HS6ST3: variants seen among roughly 807,000 people sequenced by gnomAD.
HS6ST3 encodes the protein heparan sulfate 6-O-sulfotransferase 3.
HS6ST3 carries 12 observed loss-of-function variants against 36.7 expected under a neutral mutation model. The ratio of observed to expected loss-of-function variants is 0.33; its 90% confidence interval spans 0.21 to 0.53. The LOEUF (loss-of-function observed/expected upper bound fraction) is 0.53, where lower values mean the gene tolerates loss of function less well. Among genes scored for constraint, HS6ST3 ranks in the 20% least tolerant of loss-of-function variants. The probability of loss-of-function intolerance (pLI) is 0.95; values close to 1 mark genes in which losing one functional copy is unlikely to be tolerated. For synonymous variants in HS6ST3, 240 were observed against 257.5 expected (o/e 0.93, Z 0.65); for missense variants, 584 against 640.9 (o/e 0.91, Z 0.96).
intron 1 of HS6ST3, among the ~76,000 whole-genome samples, chr13:96,387,382 A>T (rs917444511): frequency 6.6e-6 from 1 of 152,230 alleles, no homozygotes; most frequent in African/African-American, 2.4e-5. Context: ...AAAATTAATC[A>T]TTTAAACCCT....
intron 1 of HS6ST3, among the ~76,000 whole-genome samples, chr13:96,342,111 A>C (rs964249449): frequency 1.3e-5 from 2 of 152,112 alleles, no homozygotes; most frequent in African/African-American, 4.8e-5. Flanking sequence ...TATTTTCATC[A>C]CAACAATAAA....
intron 1 of HS6ST3, among the ~76,000 whole-genome samples, chr13:96,331,856 G>A (rs923941701): frequency 2.6e-5 from 4 of 152,184 alleles, no homozygotes; most frequent in African/African-American, 7.2e-5. Flanking sequence ...AGGACCCTCC[G>A]AGCCAGGTGC....
chr13:96,719,688 C>T lies in HS6ST3; in HGVS notation c.708-112802C>T, dbSNP rs191196335. 1.9e-4 allele frequency among the ~76,000 whole-genome samples: 29 copies of T among 152,292 alleles called. 1 individual carries two copies. Among genetic ancestry groups the T allele is most frequent in the Admixed American group, 4.6e-4 (7 of 15,298 alleles). ...TTTCGGTGAATCAGATGTCTTTCCA[C>T]AGGTTTATGATGCTGTTGCTCACAG... On this transcript the variant is annotated intron_variant, in intron 1 of 1. Transcript: ENST00000376705.
At chr13:96,156,166 G>A (rs1413448359) in intron 1 of HS6ST3, among the ~76,000 whole-genome samples, 1 of 152,160 alleles carries the variant, frequency 6.6e-6, no homozygotes. Context: ...AGCCCGTTGA[G>A]GAAGATAGGG....
intron 1 of HS6ST3, among the ~76,000 whole-genome samples, chr13:96,342,184 A>G (rs1254216503): frequency 6.6e-6 from 1 of 152,196 alleles, no homozygotes; most frequent in Non-Finnish European, 1.5e-5. Context: ...AAATTTTGTC[A>G]TTCACAGTTT....
In HS6ST3 at chr13:96,715,006, C is replaced by A. The variant is rs1227154676; in HGVS notation, c.708-117484C>A. ...TACAGGTGTAAGTGACCACACCTGG[C>A]CCTAGGATATTTATGATTATTTATA... On this transcript the variant is annotated intron_variant, in intron 1 of 1. Coordinates refer to ENST00000376705, the MANE Select transcript of HS6ST3 (RefSeq NM_153456.4). 3.3e-5 allele frequency among the ~76,000 whole-genome samples: 5 copies of A among 152,040 alleles called. No individual in the cohort carries two copies. The East Asian group carries it at 9.6e-4, about 29-fold the overall frequency.
intron 1 of HS6ST3, among the ~76,000 whole-genome samples, chr13:96,416,652 T>C (rs1483610631): frequency 8.1e-6 from 1 of 123,778 alleles, no homozygotes; most frequent in African/African-American, 3.1e-5. Flanking sequence ...AACTGTAAAC[T>C]GTAAGTGTAT....
At chr13:96,261,308 A>G (rs1442690866) in intron 1 of HS6ST3, among the ~76,000 whole-genome samples, 1 of 150,078 alleles carries the variant, frequency 6.7e-6, no homozygotes, top group African/African-American at 2.4e-5. Flanking sequence ...ATATATGTGA[A>G]TGATTTTATA....
intron 1 of HS6ST3, among the ~76,000 whole-genome samples, chr13:96,112,613 A>ATATATATATATATG (rs2053875675): frequency 1.8e-5 from 2 of 110,734 alleles, no homozygotes; most frequent in African/African-American, 6.6e-5. Flanking sequence ...ATATATATAT[A>ATATATATATATATG]TATATATATG....
intron 1 of HS6ST3, among the ~76,000 whole-genome samples, chr13:96,231,430 T>C (rs1338220818): frequency 6.6e-6 from 1 of 152,064 alleles, no homozygotes; most frequent in African/African-American, 2.4e-5. Flanking sequence ...TGAAGAATGG[T>C]TGGGGAGGCC....
intron 1 of HS6ST3, among the ~76,000 whole-genome samples, chr13:96,095,903 T>TG (rs2053788466): frequency 2.7e-5 from 4 of 149,350 alleles, no homozygotes; most frequent in African/African-American, 9.8e-5. Flanking sequence ...TGTGTGTGTG[T>TG]TATCAGGAAG....
intron 1 of HS6ST3, among the ~76,000 whole-genome samples, chr13:96,666,434 A>T (rs925284601): frequency 6.6e-6 from 1 of 152,164 alleles, no homozygotes; most frequent in Non-Finnish European, 1.5e-5. Flanking sequence ...TCTGTCATCA[A>T]TTCATTAAAA....
intron 1 of HS6ST3, among the ~76,000 whole-genome samples, chr13:96,664,732 C>T (rs1342982210): frequency 1.3e-5 from 2 of 152,188 alleles, no homozygotes; most frequent in African/African-American, 2.4e-5. Context: ...AACTGTTTCT[C>T]TTCCTTTTCT....
At chr13:96,805,194 C>T (rs973449483) in intron 1 of HS6ST3, among the ~76,000 whole-genome samples, 1 of 152,100 alleles carries the variant, frequency 6.6e-6, no homozygotes, top group Admixed American at 6.6e-5. Flanking sequence ...GAATTGCAAT[C>T]CCCATGTGTC....
rs151036403 is a variant in HS6ST3, at chr13:96,229,781, A to AC, written c.707+138220dup. Among the ~76,000 whole-genome samples the AC allele has an allele frequency of 2.8e-4, 43 of 150,944 alleles. 1 individual carries two copies. Among genetic ancestry groups the AC allele is most frequent in the East Asian group, 7.8e-4 (4 of 5,132 alleles). ...AAGGGGTTCACTATCTCAGGGGGAG[A>AC]CCCCCCCCTTTAGGCTCTTAGTATT... On this transcript the variant is annotated intron_variant, in intron 1 of 1. Coordinates refer to ENST00000376705, the MANE Select transcript of HS6ST3 (RefSeq NM_153456.4).
rs551165942 is a variant in HS6ST3, at chr13:96,413,864, C to T, written c.707+322295C>T. On this transcript the variant is annotated intron_variant, in intron 1 of 1. Coordinates refer to ENST00000376705, the MANE Select transcript of HS6ST3 (RefSeq NM_153456.4). The stretch of plus-strand genomic sequence containing the variant: ...CTATTTAGCATTTGACCTCAAAATC[C>T]GTGGTGGAATTCCTTTCTTCCTATA... Among the ~76,000 whole-genome samples, 10 of 152,240 alleles carry T rather than the reference C, an allele frequency of 6.6e-5. No individual in the cohort carries two copies. The South Asian group carries it at 1.7e-3, about 25-fold the overall frequency.
chr13:96,578,103 C>T (rs781383388), intron 1 of HS6ST3, among the ~76,000 whole-genome samples: 2 of 152,180 alleles, frequency 1.3e-5, no homozygotes, highest in Non-Finnish European at 2.9e-5. Flanking sequence ...AGTGAAGAAG[C>T]CTTCCTCCCC....
chr13:96,266,173 TG>T (rs1222913699), intron 1 of HS6ST3, among the ~76,000 whole-genome samples: 1 of 152,202 alleles, frequency 6.6e-6, no homozygotes, highest in African/African-American at 2.4e-5. Context: ...TTGAATCATC[TG>T]ATGTTTTGTG....
chr13:96,500,983 T>G (rs2056001397), intron 1 of HS6ST3, among the ~76,000 whole-genome samples: 1 of 152,158 alleles, frequency 6.6e-6, no homozygotes, highest in African/African-American at 2.4e-5. Context: ...TCTCAAGCTC[T>G]CTCTCTCTCT....
Sources: allele counts gnomAD v4.1 joint callset (sites outside exome capture counted in the v4.1 genomes callset), GRCh38; gene constraint gnomAD v4.1.1; transcripts MANE v1.5; gene names NCBI Gene and HGNC (gene_info 2026-07-23, HGNC 2026-07-21).